RNF111: variants seen among roughly 807,000 people sequenced by gnomAD.
The protein encoded by RNF111 is E3 ubiquitin-protein ligase Arkadia.
In RNF111, 17 loss-of-function variants were observed where a neutral mutation model predicts 95.1. The observed-to-expected ratio is 0.18, with a 90% CI of 0.12 to 0.27. The LOEUF is 0.27. Ranked by LOEUF, RNF111 falls within the 10% of genes least tolerant of loss-of-function variation. RNF111 has a pLI of 1.00. For missense variants in RNF111, 1,189 were observed against 1,210.4 expected (o/e 0.98, Z 0.26); for synonymous variants, 440 against 414.8 (o/e 1.06, Z -0.74).
intron 6 of RNF111, among the ~76,000 whole-genome samples, chr15:59,069,594 A>C (rs1301660714): frequency 6.6e-6 from 1 of 152,194 alleles, no homozygotes; most frequent in Non-Finnish European, 1.5e-5. Flanking sequence ...TATTAGTAGA[A>C]GTATTTGGAC....
intron 1 of RNF111, among the ~76,000 whole-genome samples, chr15:59,003,250 GGA>G (rs2039402682): frequency 6.6e-6 from 1 of 152,060 alleles, no homozygotes. Flanking sequence ...TGAGTAGCTG[GGA>G]CAGGCATGTA....
intron 2 of RNF111, among the ~76,000 whole-genome samples, chr15:59,040,368 A>ATCC (rs1218668984): frequency 6.6e-6 from 1 of 152,116 alleles, no homozygotes; most frequent in Non-Finnish European, 1.5e-5. Context: ...GCCTCAACTT[A>ATCC]TCCTACCATG....
At chr15:59,078,575 AG>A (rs1393125196) in intron 7 of RNF111, among the ~76,000 whole-genome samples, 10 of 146,870 alleles carry the variant, frequency 6.8e-5, no homozygotes, top group Non-Finnish European at 7.5e-5. Flanking sequence ...AAAAAAAAAA[AG>A]ACCAGGCACA....
At chr15:59,085,464 T>G in intron 9 of RNF111, 195 bp from the exon 10 acceptor site, 1 of 343,152 alleles carries the variant, frequency 2.9e-6, no homozygotes. Flanking sequence ...TGTCACAAAA[T>G]TTAAGTTTTT....
intron 1 of RNF111, among the ~76,000 whole-genome samples, chr15:59,012,299 G>T (rs1379436304): frequency 6.6e-6 from 1 of 152,098 alleles, no homozygotes; most frequent in Non-Finnish European, 1.5e-5. Flanking sequence ...GATTACAGGC[G>T]TGAGCCACTG....
intron 1 of RNF111, among the ~76,000 whole-genome samples, chr15:59,008,891 C>G (rs2039662687): frequency 6.6e-6 from 1 of 152,148 alleles, no homozygotes; most frequent in Non-Finnish European, 1.5e-5. Context: ...ATATGAGAAA[C>G]TTAAAACAGT....
chr15:59,053,541 G>A (rs1232439951), intron 3 of RNF111, among the ~76,000 whole-genome samples: 1 of 152,048 alleles, frequency 6.6e-6, no homozygotes, highest in Non-Finnish European at 1.5e-5. Flanking sequence ...TTTTAGCATC[G>A]AAGTGCTACT....
At chr15:59,000,163 CTTTT>C (rs71425835) in intron 1 of RNF111, among the ~76,000 whole-genome samples, 38,517 of 131,658 alleles carry the variant, frequency 0.29, 4,928 homozygotes, top group African/African-American at 0.38. Context: ...TTTTTTTTCC[CTTTT>C]TTTTTTTTTT....
chr15:59,033,330 AC>A (rs1299609928), intron 2 of RNF111, among the ~76,000 whole-genome samples: 1 of 152,144 alleles, frequency 6.6e-6, no homozygotes, highest in Admixed American at 6.5e-5. Flanking sequence ...TTTTGCCAGA[AC>A]CCTAAACCAG....
intron 1 of RNF111, among the ~76,000 whole-genome samples, chr15:59,002,633 T>G (rs1161967686): frequency 6.6e-6 from 1 of 152,092 alleles, no homozygotes; most frequent in Non-Finnish European, 1.5e-5. Context: ...CTATCAGGTC[T>G]TAGGCAAGTC....
chr15:59,089,676 A>G lies in RNF111; in HGVS notation c.2560A>G (p.Met854Val), dbSNP rs544257877. Reference sequence around the variant, plus strand: ...TCTTCTGTTGAAATAGGTTCCTGATATGGCAGGCTATCCTCACATCCGTTA... The same window carrying G: ...TCTTCTGTTGAAATAGGTTCCTGATGTGGCAGGCTATCCTCACATCCGTTA... ...LGALPLMVPD[M>V]AGYPHIRYIS... Residue 854 changes from methionine to valine, a missense_variant, in exon 11 of 14, where the codon ATG becomes GTG. Physicochemically the swap from Met to Val is conservative, Grantham distance 21. This residue lies in a region of RNF111 where 165 missense variants were observed against 284.6 expected (regional missense o/e 0.58). Coordinates refer to ENST00000348370, the MANE Select transcript of RNF111 (RefSeq NM_017610.8). The G allele has an allele frequency of 6.2e-7, 1 of 1,613,028 alleles. No individual in the cohort carries two copies. Among genetic ancestry groups the G allele is most frequent in the East Asian group, 2.2e-5 (1 of 44,824 alleles).
At chr15:59,068,553 C>T (rs1328009283) in intron 6 of RNF111, among the ~76,000 whole-genome samples, 1 of 152,088 alleles carries the variant, frequency 6.6e-6, no homozygotes, top group Non-Finnish European at 1.5e-5. Context: ...TTGTAGTGAG[C>T]CAAGATCGTG....
chr15:59,085,463 A>G (rs963666405), intron 9 of RNF111, 196 bp from the exon 10 acceptor site: 1 of 342,948 alleles, frequency 2.9e-6, no homozygotes, highest in Admixed American at 4.7e-5. Context: ...TTGTCACAAA[A>G]TTTAAGTTTT....
At chr15:59,017,923 A>T (rs2040148283) in intron 1 of RNF111, among the ~76,000 whole-genome samples, 1 of 151,782 alleles carries the variant, frequency 6.6e-6, no homozygotes, top group Non-Finnish European at 1.5e-5. Context: ...ATGCCCAGCT[A>T]ATTTTTTGTA....
chr15:59,055,802 G>A lies in RNF111; in HGVS notation c.1128G>A (p.Arg376=). The stretch of plus-strand genomic sequence containing the variant: ...TTTCTACTGTTATACAGCCCTTGAG[G>A]CAGAATGCAGCAGAAGTTGTGGACC... ...SRISTVIQPL[R]QNAAEVVDLT... is the part of the protein sequence containing the mutation. The change falls in exon 4 of 14, where the codon AGG becomes AGA. Residue 376 remains arginine (R), a synonymous_variant. Transcript: ENST00000348370. 1 of 1,613,816 alleles carries A rather than the reference G, an allele frequency of 6.2e-7. No homozygotes were observed. The highest frequency in any genetic ancestry group is 8.5e-7 in the Non-Finnish European group (1 of 1,179,872).
chr15:59,002,314 T>C (rs2039357278), intron 1 of RNF111, among the ~76,000 whole-genome samples: 1 of 152,206 alleles, frequency 6.6e-6, no homozygotes, highest in Non-Finnish European at 1.5e-5. Flanking sequence ...CTTAAACTTC[T>C]TTCAGGTTTT....
At chr15:59,065,030 A>G (rs2042597834) in intron 5 of RNF111, among the ~76,000 whole-genome samples, 1 of 152,002 alleles carries the variant, frequency 6.6e-6, no homozygotes, top group Admixed American at 6.6e-5. Context: ...CCTAATTGAT[A>G]CATTGACCCA....
chr15:59,097,404 G>C lies in RNF111; in HGVS notation c.*2504G>C, dbSNP rs1472586838. On this transcript the variant is annotated 3_prime_UTR_variant, in exon 14 of 14. Transcript: ENST00000348370. The stretch of plus-strand genomic sequence containing the variant: ...TGAACCATAACAGTTGTGATAAACT[G>C]ATCGTTTGAAACGTTTTTCTTACTC... The C allele has an allele frequency of 6.6e-6, 1 of 152,026 alleles. No homozygotes were observed. Among genetic ancestry groups the C allele is most frequent in the African/African-American group, 2.4e-5 (1 of 41,382 alleles). 9.4% of individuals were successfully genotyped at this position (152,026 alleles called of 1,614,324 possible).
At chr15:58,992,312 T>C (rs1596010602) in intron 1 of RNF111, among the ~76,000 whole-genome samples, 2 of 152,144 alleles carry the variant, frequency 1.3e-5, no homozygotes, top group African/African-American at 4.8e-5. Flanking sequence ...CCCAAAGTGC[T>C]GGGATTACAG....
Sources: allele counts gnomAD v4.1 joint callset (sites outside exome capture counted in the v4.1 genomes callset), GRCh38; gene constraint gnomAD v4.1.1; regional missense constraint gnomAD v4.1.1; transcripts MANE v1.5; gene names NCBI Gene and HGNC (gene_info 2026-07-23, HGNC 2026-07-21).